The following MINPP1 variants were observed in gnomAD, a reference collection of about 807,000 sequenced individuals.
MINPP1 encodes the protein multiple inositol-polyphosphate phosphatase 1.
Under a neutral mutation model 46.1 loss-of-function variants are expected in MINPP1, and 28 were observed. The ratio of observed to expected loss-of-function variants is 0.61; its 90% CI spans 0.45 to 0.83. MINPP1 has a LOEUF of 0.83. Among genes scored for constraint, MINPP1 ranks in the 40% least tolerant of loss-of-function variants. The pLI is 0.00. For synonymous variants in MINPP1, 268 were observed against 249.1 expected (o/e 1.08, Z -0.72); for missense variants, 603 against 610.0 (o/e 0.99, Z 0.12).
At chr10:87,544,713 C>T (rs114260092) in intron 4 of MINPP1, among the ~76,000 whole-genome samples, 115 of 152,074 alleles carry the variant, frequency 7.6e-4, no homozygotes, top group African/African-American at 2.6e-3. Flanking sequence ...TCCTTTCTTA[C>T]GGAGCCTAGA....
chr10:87,530,951 G>A (rs1019256269), intron 4 of MINPP1, among the ~76,000 whole-genome samples: 3 of 152,160 alleles, frequency 2.0e-5, no homozygotes, highest in African/African-American at 7.2e-5. Flanking sequence ...TCGATTTCAG[G>A]CTGCTGTGCT....
rs572862422 is a variant in MINPP1, at chr10:87,545,018, A to G, written c.1068-7064A>G. 7.9e-4 allele frequency among the ~76,000 whole-genome samples: 121 copies of G among 152,326 alleles called. 1 individual carries two copies. Among genetic ancestry groups the G allele is most frequent in the Admixed American group, 2.8e-3 (43 of 15,298 alleles). Reference sequence around the variant, plus strand: ...TGTAATTCTTACCCTTGAAACCTCAACCTAGACATTTAGTGAATTCTGTTT... The same window carrying G: ...TGTAATTCTTACCCTTGAAACCTCAGCCTAGACATTTAGTGAATTCTGTTT... On this transcript the variant is annotated intron_variant, in intron 4 of 4. Transcript: ENST00000371996.
At chr10:87,517,528 A>G (rs976728251) in intron 3 of MINPP1, among the ~76,000 whole-genome samples, 1 of 152,228 alleles carries the variant, frequency 6.6e-6, no homozygotes, top group Non-Finnish European at 1.5e-5. Context: ...TTACAATTTA[A>G]TAAAGTTTTA....
At chr10:87,512,705 G>A (rs1851353167) in intron 2 of MINPP1, among the ~76,000 whole-genome samples, 1 of 151,970 alleles carries the variant, frequency 6.6e-6, no homozygotes, top group East Asian at 1.9e-4. Context: ...GATATTGCTA[G>A]GCAAATATGC....
intron 4 of MINPP1, among the ~76,000 whole-genome samples, chr10:87,548,309 C>T (rs980224113): frequency 2.6e-5 from 4 of 152,120 alleles, no homozygotes; most frequent in Non-Finnish European, 5.9e-5. Flanking sequence ...GTTCTTTTAT[C>T]CCACTATTCT....
At chr10:87,544,472 G>C (rs1214260077) in intron 4 of MINPP1, among the ~76,000 whole-genome samples, 1 of 152,232 alleles carries the variant, frequency 6.6e-6, no homozygotes, top group Non-Finnish European at 1.5e-5. Context: ...AGCCCCTCTT[G>C]CTCTTCCCTG....
rs1260614127 is a variant in MINPP1 at position 87,521,210 on chromosome 10, C to T, written c.1067+41C>T. The T allele has an allele frequency of 1.9e-6, 3 of 1,550,886 alleles. No individual in the cohort carries two copies. The African/African-American group carries it at 4.1e-5, about 21-fold the overall frequency. On this transcript the variant is annotated intron_variant, in intron 4 of 4. Coordinates refer to ENST00000371996, the MANE Select transcript of MINPP1 (RefSeq NM_004897.5). The stretch of plus-strand genomic sequence containing the variant: ...AAAATGTGAAGTACATTTTGAGTTA[C>T]TACTAAACTTCTGGAAATTTTTTTA...
chr10:87,540,154 G>C (rs955605527), intron 4 of MINPP1, among the ~76,000 whole-genome samples: 1 of 152,184 alleles, frequency 6.6e-6, no homozygotes, highest in South Asian at 2.1e-4. Context: ...ACAGGCGTGA[G>C]CCACCATGCC....
chr10:87,545,803 G>A (rs72809983), intron 4 of MINPP1, among the ~76,000 whole-genome samples: 2,124 of 152,046 alleles, frequency 0.014, 30 homozygotes, highest in Non-Finnish European at 0.019. Context: ...ATTAATTACT[G>A]ATTGGAGATT....
chr10:87,547,450 A>G (rs11202444), intron 4 of MINPP1, among the ~76,000 whole-genome samples: 1 of 152,254 alleles, frequency 6.6e-6, no homozygotes, highest in East Asian at 1.9e-4. Flanking sequence ...AGAAGTGACT[A>G]AGTTCCTAAA....
rs376334580 is a variant in MINPP1, at chr10:87,530,578, C to T, written c.1067+9409C>T. Among the ~76,000 whole-genome samples, 22 of 152,258 alleles carry T rather than the reference C, an allele frequency of 1.4e-4. No individual in the cohort carries two copies. In the East Asian group the frequency reaches 1.7e-3, roughly 12 times the overall value. ...TGCCTGATCCTTCCTCTGGAAGCTT[C>T]GTCTCAGAGGGGATGGGTTGTCAGT... On this transcript the variant is annotated intron_variant, in intron 4 of 4. Transcript: ENST00000371996.
Position 87,510,051 on chromosome 10 carries a change from TGACTC to T in MINPP1, c.835+1519_835+1523del, listed in dbSNP as rs537618346. Reference sequence around the variant, plus strand: ...AATTGGACTATTTGCATTTGAATCTTGACTCTACTATCCTATTGAATAACTATGAT... The same window carrying T: ...AATTGGACTATTTGCATTTGAATCTTTACTATCCTATTGAATAACTATGAT... On this transcript the variant is annotated intron_variant, in intron 2 of 4. Coordinates refer to ENST00000371996, the MANE Select transcript of MINPP1 (RefSeq NM_004897.5). 5.8e-4 allele frequency among the ~76,000 whole-genome samples: 88 copies of T among 152,348 alleles called. 1 individual carries two copies. Among genetic ancestry groups the T allele is most frequent in the Admixed American group, 2.7e-3 (41 of 15,304 alleles).
intron 3 of MINPP1, among the ~76,000 whole-genome samples, chr10:87,516,949 T>C (rs1851420174): frequency 6.6e-6 from 1 of 152,208 alleles, no homozygotes; most frequent in South Asian, 2.1e-4. Flanking sequence ...TGTGTTTTTT[T>C]TCTTTTGGTA....
At chr10:87,538,447 G>T (rs956105429) in intron 4 of MINPP1, among the ~76,000 whole-genome samples, 2 of 152,170 alleles carry the variant, frequency 1.3e-5, no homozygotes, top group Non-Finnish European at 2.9e-5. Flanking sequence ...CTGAAACTTT[G>T]TATGTTTTGT....
intron 4 of MINPP1, among the ~76,000 whole-genome samples, chr10:87,528,964 T>G (rs145656311): frequency 6.6e-6 from 1 of 152,238 alleles, no homozygotes; most frequent in South Asian, 2.1e-4. Flanking sequence ...CGTTATGTAA[T>G]GGCCTTCTTT....
At chr10:87,509,689 T>G (rs1402431808) in intron 2 of MINPP1, 1 of 315,824 alleles carries the variant, frequency 3.2e-6, no homozygotes, top group Non-Finnish European at 6.6e-6. Flanking sequence ...GCCAGTTTTA[T>G]ACATAAATGG....
chr10:87,536,677 C>A (rs1589382081), intron 4 of MINPP1, among the ~76,000 whole-genome samples: 1 of 152,026 alleles, frequency 6.6e-6, no homozygotes, highest in East Asian at 1.9e-4. Flanking sequence ...TGTTGGGCTT[C>A]TTTCACTCAA....
At position 87,516,306 on chromosome 10, in the gene MINPP1, A is replaced by G. The variant is rs1227817104; in HGVS notation, c.933+3085A>G. ...GATATTGTCCTCAAAGAATGCCACA[A>G]GGAATGAAAGACATGTAACTAAACC... On this transcript the variant is annotated intron_variant, in intron 3 of 4. Transcript: ENST00000371996. 3.8e-5 allele frequency among the ~76,000 whole-genome samples: 4 copies of G among 104,462 alleles called. 1 individual carries two copies. The highest frequency in any genetic ancestry group is 1.2e-4 in the African/African-American group (4 of 34,726). The allele number at this position is 104,462 out of a possible 152,430, so 68.5% of individuals were successfully genotyped here. A position where few individuals can be genotyped will look rare whatever the true frequency, so the allele number is the denominator to read the frequency against.
intron 4 of MINPP1, among the ~76,000 whole-genome samples, chr10:87,532,428 A>G (rs1188059117): frequency 6.6e-6 from 1 of 152,266 alleles, no homozygotes; most frequent in Admixed American, 6.5e-5. Flanking sequence ...TTGTGAAACA[A>G]TGTAAGAAGT....
Sources: gnomAD v4.1 joint callset for allele counts (sites outside exome capture counted in the v4.1 genomes callset) on GRCh38, gnomAD v4.1.1 for gene constraint, MANE v1.5 for transcripts, NCBI Gene and HGNC (gene_info 2026-07-23, HGNC 2026-07-21) for gene names.